SUPT3H: variants seen among roughly 807,000 people sequenced by gnomAD.
SUPT3H encodes the protein SPT3 homolog, SAGA and STAGA complex component, also known as transcription initiation protein SPT3 homolog.
A neutral mutation model predicts 44.3 loss-of-function variants in SUPT3H; 44 were observed. The observed-to-expected ratio is 0.99, with a 90% CI of 0.78 to 1.28. The LOEUF is 1.28. Among genes scored for constraint, SUPT3H ranks in the 50% most tolerant of loss-of-function variants. SUPT3H has a pLI of 0.00. For missense variants in SUPT3H, 380 were observed against 387.1 expected (o/e 0.98, Z 0.15); for synonymous variants, 124 against 125.6 (o/e 0.99, Z 0.09).
At chr6:45,365,402 A>G (rs1794962387) in intron 1 of SUPT3H, 101 bp from the exon 2 acceptor site, 4 of 752,140 alleles carry the variant, frequency 5.3e-6, no homozygotes, top group Non-Finnish European at 8.5e-6. Context: ...AAGTAGAGAA[A>G]ATTTAAATTT....
At chr6:45,283,811 C>A (rs182629746) in intron 2 of SUPT3H, among the ~76,000 whole-genome samples, 1 of 152,000 alleles carries the variant, frequency 6.6e-6, no homozygotes, top group South Asian at 2.1e-4. Flanking sequence ...CCACACCTAT[C>A]CCAAAACTGA....
chr6:45,305,448 T>G (rs1381160270), intron 2 of SUPT3H, among the ~76,000 whole-genome samples: 3 of 152,242 alleles, frequency 2.0e-5, no homozygotes, highest in Non-Finnish European at 4.4e-5. Context: ...GCTAGATTAT[T>G]CTAATAACAT....
chr6:45,072,013 T>C (rs1436098705), intron 3 of SUPT3H, among the ~76,000 whole-genome samples: 1 of 152,172 alleles, frequency 6.6e-6, no homozygotes, highest in African/African-American at 2.4e-5. Flanking sequence ...AGTATGACAA[T>C]ATGCTTTAAT....
chr6:45,176,620 C>T (rs1811950250), intron 2 of SUPT3H, among the ~76,000 whole-genome samples: 1 of 152,192 alleles, frequency 6.6e-6, no homozygotes, highest in Non-Finnish European at 1.5e-5. Flanking sequence ...CCTCTGGGGG[C>T]AGGGCACAGA....
chr6:44,992,968 A>T (rs899841251), intron 6 of SUPT3H, among the ~76,000 whole-genome samples: 6 of 152,110 alleles, frequency 3.9e-5, no homozygotes, highest in African/African-American at 1.4e-4. Flanking sequence ...GTTTGAGACC[A>T]GCCTGGACAA....
At chr6:44,923,797 C>T (rs979584159) in intron 10 of SUPT3H, among the ~76,000 whole-genome samples, 6 of 151,914 alleles carry the variant, frequency 3.9e-5, no homozygotes, top group African/African-American at 1.5e-4. Flanking sequence ...TCTCTCTTCC[C>T]TTCTCCCCAC....
chr6:45,144,544 T>C (rs926969234), intron 2 of SUPT3H, among the ~76,000 whole-genome samples: 6 of 151,952 alleles, frequency 3.9e-5, no homozygotes, highest in African/African-American at 1.5e-4. Context: ...GTACAGCCAA[T>C]ATTATACTGA....
At chr6:45,109,759 T>G (rs1382539666) in intron 2 of SUPT3H, among the ~76,000 whole-genome samples, 1 of 152,196 alleles carries the variant, frequency 6.6e-6, no homozygotes, top group Non-Finnish European at 1.5e-5. Context: ...CACTTCCTTT[T>G]TTGCTCTGCA....
chr6:44,974,352 C>G (rs1778023094), intron 6 of SUPT3H, among the ~76,000 whole-genome samples: 1 of 151,452 alleles, frequency 6.6e-6, no homozygotes, highest in South Asian at 2.1e-4. Context: ...TTAAGAGATA[C>G]CTTATGGAAC....
At chr6:45,164,499 A>G (rs921633555) in intron 2 of SUPT3H, among the ~76,000 whole-genome samples, 22 of 152,292 alleles carry the variant, frequency 1.4e-4, no homozygotes, top group African/African-American at 5.3e-4. Context: ...ATACAGGTAG[A>G]CAGGAGAGGT....
Position 44,847,489 on chromosome 6 carries a change from A to ATT in SUPT3H, c.913-17634_913-17633dup, listed in dbSNP as rs201785834. Among the ~76,000 whole-genome samples, 614 of 143,738 alleles carry ATT rather than the reference A, an allele frequency of 4.3e-3. 1 individual carries two copies. Among genetic ancestry groups the ATT allele is most frequent in the African/African-American group, 0.014 (536 of 39,288 alleles). 94.3% of individuals were successfully genotyped at this position (143,738 alleles called of 152,430 possible). ...TGGAAACTTAAACAGTTATGGGAAG[A>ATT]TTTTTTTTTTTTTTTTGAGACAGAG... On this transcript the variant is annotated intron_variant, in intron 10 of 10. Transcript: ENST00000371459.
chr6:44,885,788 G>C (rs2153437337), intron 10 of SUPT3H, among the ~76,000 whole-genome samples: 1 of 152,312 alleles, frequency 6.6e-6, no homozygotes, highest in East Asian at 1.9e-4. Context: ...CGAGTTGAGA[G>C]AAGAAGGCTT....
intron 3 of SUPT3H, among the ~76,000 whole-genome samples, chr6:45,041,954 A>G (rs149026430): frequency 1.1e-4 from 17 of 152,310 alleles, no homozygotes; most frequent in African/African-American, 4.1e-4. Context: ...AGGGTAAAAC[A>G]AAGTGAAGCA....
chr6:45,021,172 A>C (rs1785080609), intron 3 of SUPT3H, among the ~76,000 whole-genome samples: 1 of 151,944 alleles, frequency 6.6e-6, no homozygotes, highest in Non-Finnish European at 1.5e-5. Context: ...ATAATACTGG[A>C]CTGCATTAAT....
chr6:44,917,393 C>T (rs889780730), intron 10 of SUPT3H, among the ~76,000 whole-genome samples: 1 of 152,082 alleles, frequency 6.6e-6, no homozygotes, highest in Non-Finnish European at 1.5e-5. Context: ...AATATATGTA[C>T]ATTCTATCTA....
intron 2 of SUPT3H, among the ~76,000 whole-genome samples, chr6:45,282,700 G>C (rs973235584): frequency 2.6e-5 from 4 of 152,110 alleles, no homozygotes; most frequent in Non-Finnish European, 5.9e-5. Flanking sequence ...ATCTAGCAAG[G>C]CAGGCCAACA....
intron 10 of SUPT3H, among the ~76,000 whole-genome samples, chr6:44,890,771 A>AGT (rs1763169971): frequency 7.0e-6 from 1 of 142,970 alleles, no homozygotes; most frequent in Admixed American, 7.0e-5. Flanking sequence ...TAATAATAAT[A>AGT]AAAAAAAAAG....
chr6:45,214,334 T>G (rs1323040897), intron 2 of SUPT3H, among the ~76,000 whole-genome samples: 1 of 152,020 alleles, frequency 6.6e-6, no homozygotes, highest in East Asian at 1.9e-4. Flanking sequence ...TGATTGACAG[T>G]ATTCAGAAAA....
At chr6:45,255,484 A>C (rs1297412918) in intron 2 of SUPT3H, among the ~76,000 whole-genome samples, 2 of 150,136 alleles carry the variant, frequency 1.3e-5, no homozygotes, top group East Asian at 3.9e-4. Flanking sequence ...TGCGGTGGCA[A>C]AATCATAGCT....
Sources: allele counts gnomAD v4.1 joint callset (sites outside exome capture counted in the v4.1 genomes callset), GRCh38; gene constraint gnomAD v4.1.1; transcripts MANE v1.5; gene names NCBI Gene and HGNC (gene_info 2026-07-23, HGNC 2026-07-21).